PCDHGA11: variants seen among roughly 807,000 people sequenced by gnomAD.
PCDHGA11 encodes protocadherin gamma-A11.
PCDHGA11 carries 39 observed loss-of-function variants against 60.4 expected under a neutral mutation model. The ratio of observed to expected loss-of-function variants is 0.65; its 90% confidence interval spans 0.50 to 0.84. The LOEUF (loss-of-function observed/expected upper bound fraction) is 0.84, where lower values mean the gene tolerates loss of function less well. Ranked by LOEUF, PCDHGA11 falls within the 40% of genes least tolerant of loss-of-function variation. The pLI, the probability that PCDHGA11 is intolerant of heterozygous loss-of-function variation, is 0.00. For synonymous variants in PCDHGA11, 533 were observed against 510.3 expected, an observed-to-expected ratio of 1.04 and a Z score of -0.60; for missense variants, 1,165 against 1,197.7, an observed-to-expected ratio of 0.97 and a Z score of 0.40.
At chr5:141,498,011 G>A (rs995865984) in intron 2 of PCDHGA11, among the ~76,000 whole-genome samples, 2 of 152,204 alleles carry the variant, frequency 1.3e-5, no homozygotes, top group Non-Finnish European at 2.9e-5. Flanking sequence ...ACAGTGCACT[G>A]AAGGAGACAA....
chr5:141,427,192 A>G (rs1191677237), intron 1 of PCDHGA11: 2 of 456,566 alleles, frequency 4.4e-6, no homozygotes, highest in African/African-American at 4.0e-5. Flanking sequence ...AAATCCAAAG[A>G]CTTAATAGAC....
Position 141,421,591 on chromosome 5 carries a change from G to T in PCDHGA11, c.364G>T (p.Val122Leu). The change falls in exon 1 of 4, where the codon GTG becomes TTG. Residue 122 changes from valine to leucine, a missense_variant. Val to Leu is a conservative substitution (Grantham distance 32, BLOSUM62 1). Transcript: ENST00000398587. ...CACCTTGAAGATTTACGGAGTGGAGGTGGAAATAATAGATATTAATGATAA... is the reference window on the plus strand; with the variant it reads ...CACCTTGAAGATTTACGGAGTGGAGTTGGAAATAATAGATATTAATGATAA... Reference protein sequence around the residue: ...EDTLKIYGVEVEIIDINDNAP... With the variant: ...EDTLKIYGVELEIIDINDNAP... 6.2e-7 allele frequency: 1 copy of T among 1,613,874 alleles called. No homozygotes were observed. Among genetic ancestry groups the T allele is most frequent in the Non-Finnish European group, 8.5e-7 (1 of 1,179,832 alleles).
chr5:141,440,572 GT>G (rs1233263525), intron 1 of PCDHGA11: 1 of 152,200 alleles, frequency 6.6e-6, no homozygotes, highest in Non-Finnish European at 1.5e-5. Context: ...GTATCTCTGA[GT>G]TTACCCAGCT....
At chr5:141,496,172 T>C (rs942740022) in intron 2 of PCDHGA11, among the ~76,000 whole-genome samples, 1 of 151,672 alleles carries the variant, frequency 6.6e-6, no homozygotes, top group Non-Finnish European at 1.5e-5. Context: ...CACCCTCCCA[T>C]CCAAGCAGCC....
rs773474154 is a variant in PCDHGA11, at chr5:141,477,751, G to A, written c.2434-17056G>A. The A allele has an allele frequency of 5.0e-6, 8 of 1,613,712 alleles. No individual in the cohort carries two copies. The highest frequency in any genetic ancestry group is 6.8e-6 in the Non-Finnish European group (8 of 1,180,030). ...CTCATATCAGCGATGGGGGCACCCC[G>A]GTCCTAGCCACCAACATCAGCGTGA... On this transcript the variant is annotated intron_variant, in intron 1 of 3. Transcript: ENST00000398587. The surrounding 1 kb of genome is among the most constrained non-coding windows in gnomAD (Gnocchi z 4.9).
chr5:141,506,994 G>A (rs1053891468), intron 3 of PCDHGA11: 1 of 152,126 alleles, frequency 6.6e-6, no homozygotes, highest in Non-Finnish European at 1.5e-5. Context: ...TCTCACACTC[G>A]ACAGATGAGA....
intron 1 of PCDHGA11, among the ~76,000 whole-genome samples, chr5:141,488,236 T>A (rs1333427955): frequency 6.6e-6 from 1 of 152,154 alleles, no homozygotes; most frequent in Admixed American, 6.5e-5. Context: ...TTGAACTAGA[T>A]GCGGTAAATT....
rs2099613082 is a variant in PCDHGA11, at chr5:141,485,421, C to T, written c.2434-9386C>T. ...TTCCGTGTGGATTTGGACAGCGGAG[C>T]CCTGCTCATCAAGAACCCAATCGAC... On this transcript the variant is annotated intron_variant, in intron 1 of 3. Coordinates refer to ENST00000398587, the MANE Select transcript of PCDHGA11 (RefSeq NM_018914.3). The surrounding 1 kb of genome is among the most constrained non-coding windows in gnomAD (Gnocchi z 5.7). The T allele has an allele frequency of 6.2e-7, 1 of 1,614,112 alleles. No individual in the cohort carries two copies. Among genetic ancestry groups the T allele is most frequent in the Non-Finnish European group, 8.5e-7 (1 of 1,180,010 alleles).
chr5:141,489,625 A>G lies in PCDHGA11; in HGVS notation c.2434-5182A>G. ...GGTAGAGATCCTGGATCTCAATGAC[A>G]ACTCTCCTAGCTTTGCCACCCCTGA... On this transcript the variant is annotated intron_variant, in intron 1 of 3. Transcript: ENST00000398587. The surrounding 1 kb of genome is among the most constrained non-coding windows in gnomAD (Gnocchi z 4.5). 6.2e-7 allele frequency: 1 copy of G among 1,614,076 alleles called. No homozygotes were observed. The highest frequency in any genetic ancestry group is 8.5e-7 in the Non-Finnish European group (1 of 1,180,006).
At chr5:141,439,124 CAG>C (rs2098089371) in intron 1 of PCDHGA11, among the ~76,000 whole-genome samples, 1 of 150,004 alleles carries the variant, frequency 6.7e-6, no homozygotes, top group Non-Finnish European at 1.5e-5. Flanking sequence ...ACCCGGGAGA[CAG>C]AGGTTGCAGT....
At chr5:141,478,862 C>T (rs1057119202) in intron 1 of PCDHGA11, 23 of 1,325,916 alleles carry the variant, frequency 1.7e-5, no homozygotes, top group Non-Finnish European at 2.2e-5. Flanking sequence ...AAGATCTCAG[C>T]GATCAGAGTT....
intron 1 of PCDHGA11, among the ~76,000 whole-genome samples, chr5:141,448,180 G>C (rs961721974): frequency 1.3e-5 from 2 of 151,998 alleles, no homozygotes; most frequent in African/African-American, 2.4e-5. Flanking sequence ...TTCATCCCTG[G>C]TTATGTACAC....
chr5:141,425,241 AG>A (rs2096863585), intron 1 of PCDHGA11, among the ~76,000 whole-genome samples: 1 of 152,220 alleles, frequency 6.6e-6, no homozygotes, highest in Admixed American at 6.5e-5. Flanking sequence ...TTAAATAAAA[AG>A]GATATGAGGT....
chr5:141,451,212 G>A (rs2098710632), intron 1 of PCDHGA11, among the ~76,000 whole-genome samples: 1 of 152,156 alleles, frequency 6.6e-6, no homozygotes, highest in Non-Finnish European at 1.5e-5. Context: ...AAACTTAGTG[G>A]CTTAAAAGAA....
chr5:141,489,268 G>C lies in PCDHGA11; in HGVS notation c.2434-5539G>C. 6.4e-7 allele frequency: 1 copy of C among 1,553,286 alleles called. No individual in the cohort carries two copies. The highest frequency in any genetic ancestry group is 8.7e-7 in the Non-Finnish European group (1 of 1,149,780). ...GGGGCCCAAGACACTCCCACAGCTC[G>C]CTGGGAAATGGCAAGTGCTGTGCAT... On this transcript the variant is annotated intron_variant, in intron 1 of 3. Transcript: ENST00000398587. The surrounding 1 kb of genome is among the most constrained non-coding windows in gnomAD (Gnocchi z 4.5).
chr5:141,505,705 GAA>G (rs1250788277), intron 3 of PCDHGA11, among the ~76,000 whole-genome samples: 1 of 152,198 alleles, frequency 6.6e-6, no homozygotes, highest in Non-Finnish European at 1.5e-5. Flanking sequence ...AGCGAACAAG[GAA>G]AAGACTCATG....
chr5:141,433,641 G>T (rs1177387884), intron 1 of PCDHGA11, among the ~76,000 whole-genome samples: 1 of 152,104 alleles, frequency 6.6e-6, no homozygotes, highest in Admixed American at 6.5e-5. Flanking sequence ...TTTGAGACCA[G>T]CCTGACCAAC....
intron 1 of PCDHGA11, among the ~76,000 whole-genome samples, chr5:141,463,539 C>T (rs1408887405): frequency 6.7e-6 from 1 of 148,606 alleles, no homozygotes; most frequent in Admixed American, 6.8e-5. Context: ...AACTCCGGCT[C>T]CCGGGTTCAT....
chr5:141,432,560 A>C lies in PCDHGA11; in HGVS notation c.2433+8900A>C. The C allele has an allele frequency of 2.5e-6, 4 of 1,613,600 alleles. No individual in the cohort carries two copies. Among genetic ancestry groups the C allele is most frequent in the Non-Finnish European group, 3.4e-6 (4 of 1,179,962 alleles). ...GGCGGTGGACAGAGACTCCGGCCAG[A>C]ACGCCTGGCTGTCCTACCGTCTGCT... On this transcript the variant is annotated intron_variant, in intron 1 of 3. Transcript: ENST00000398587. The surrounding 1 kb of genome is among the most constrained non-coding windows in gnomAD (Gnocchi z 6.0).
Sources: gnomAD v4.1 joint callset for allele counts (sites outside exome capture counted in the v4.1 genomes callset) on GRCh38, gnomAD v4.1.1 for gene constraint, Gnocchi (gnomAD v3.1) non-coding constraint, MANE v1.5 for transcripts, NCBI Gene and HGNC (gene_info 2026-07-23, HGNC 2026-07-21) for gene names.